Variants in DRC1 observed in about 807,000 individuals in gnomAD.
The protein encoded by DRC1 is dynein regulatory complex protein 1.
Under a neutral mutation model 98.7 loss-of-function variants are expected in DRC1, and 74 were observed. That is an observed-to-expected ratio of 0.75 (90% CI 0.62 to 0.91). The LOEUF (loss-of-function observed/expected upper bound fraction) is 0.91, where lower values mean the gene tolerates loss of function less well. Among genes scored for constraint, DRC1 ranks in the 40% least tolerant of loss-of-function variants. The pLI is 0.00. For missense variants in DRC1, 875 were observed against 886.0 expected, an observed-to-expected ratio of 0.99 and a Z score of 0.16; for synonymous variants, 336 against 334.1, an observed-to-expected ratio of 1.01 and a Z score of -0.06.
intron 4 of DRC1, among the ~76,000 whole-genome samples, chr2:26,428,827 A>G (rs2147990150): frequency 6.6e-6 from 1 of 152,222 alleles, no homozygotes; most frequent in East Asian, 1.9e-4. Flanking sequence ...TTATAATCCT[A>G]TGGGACCACT....
intron 4 of DRC1, among the ~76,000 whole-genome samples, chr2:26,426,172 C>A (rs943584706): frequency 6.6e-6 from 1 of 152,140 alleles, no homozygotes; most frequent in African/African-American, 2.4e-5. Flanking sequence ...ACTGTATAGT[C>A]TTGTCAAAAG....
chr2:26,415,127 A>G (rs1310444383), intron 2 of DRC1, among the ~76,000 whole-genome samples: 3 of 152,214 alleles, frequency 2.0e-5, no homozygotes, highest in Non-Finnish European at 4.4e-5. Context: ...GCCGTGGGGT[A>G]GTGCGTAGCT....
At chr2:26,427,622 A>C (rs1157415520) in intron 4 of DRC1, among the ~76,000 whole-genome samples, 3 of 152,106 alleles carry the variant, frequency 2.0e-5, no homozygotes, top group Non-Finnish European at 4.4e-5. Context: ...CAATAAATCT[A>C]GCTGACCTTA....
At chr2:26,405,653 CTTTTTTTTT>C (rs10601492) in intron 1 of DRC1, among the ~76,000 whole-genome samples, 1 of 53,564 alleles carries the variant, frequency 1.9e-5, no homozygotes, top group Non-Finnish European at 3.3e-5. Context: ...AAGGCTATAT[CTTTTTTTTT>C]TTTTTTTTTT....
intron 7 of DRC1, among the ~76,000 whole-genome samples, chr2:26,436,393 C>T (rs770354298): frequency 1.5e-4 from 23 of 152,292 alleles, no homozygotes; most frequent in Non-Finnish European, 1.6e-4. Context: ...ACTGCAGCCT[C>T]GACTTCCCAG....
intron 1 of DRC1, among the ~76,000 whole-genome samples, chr2:26,413,074 G>A (rs375347887): frequency 1.1e-4 from 17 of 152,284 alleles, no homozygotes; most frequent in African/African-American, 4.1e-4. Context: ...GAGCCATCGC[G>A]CCCAGCCAAG....
At chr2:26,428,563 C>T (rs1663343809) in intron 4 of DRC1, among the ~76,000 whole-genome samples, 1 of 152,150 alleles carries the variant, frequency 6.6e-6, no homozygotes, top group African/African-American at 2.4e-5. Flanking sequence ...CTTTGGGAGG[C>T]CGAGGCAGGT....
rs115330889 is a variant in DRC1, at chr2:26,444,509, G to T, written c.1163+153G>T. The stretch of plus-strand genomic sequence containing the variant: ...TAACCTTTTGTGGTGTGTTCCCCTG[G>T]CCCTTCACTTGCGTGTCACCTGCCT... On this transcript the variant is annotated intron_variant, in intron 9 of 16. Transcript: ENST00000288710. 2.0e-3 allele frequency among the ~76,000 whole-genome samples: 311 copies of T among 152,298 alleles called. 5 individuals are homozygous for T. Among genetic ancestry groups the T allele is most frequent in the African/African-American group, 7.2e-3 (301 of 41,564 alleles).
chr2:26,418,318 G>A (rs951646116), intron 2 of DRC1, among the ~76,000 whole-genome samples: 5 of 151,278 alleles, frequency 3.3e-5, no homozygotes, highest in Non-Finnish European at 5.9e-5. Flanking sequence ...GAGCTTGGAT[G>A]TGCAGTTGGG....
intron 10 of DRC1, among the ~76,000 whole-genome samples, chr2:26,446,541 C>T (rs987816249): frequency 6.6e-6 from 1 of 152,098 alleles, no homozygotes; most frequent in African/African-American, 2.4e-5. Flanking sequence ...AATACCTCCT[C>T]ATCAACAGGA....
intron 7 of DRC1, 144 bp from the exon 8 acceptor site, chr2:26,440,234 A>G: frequency 9.3e-7 from 1 of 1,079,214 alleles, no homozygotes; most frequent in Non-Finnish European, 1.2e-6. Context: ...GTAAATATTT[A>G]CCTATATAAA....
At chr2:26,439,948 TACACACACAC>T (rs201091945) in intron 7 of DRC1, among the ~76,000 whole-genome samples, 613 of 124,552 alleles carry the variant, frequency 4.9e-3, no homozygotes, top group Non-Finnish European at 7.2e-3. Context: ...CACACACACA[TACACACACAC>T]ACACATATAT....
intron 7 of DRC1, among the ~76,000 whole-genome samples, chr2:26,437,115 T>G (rs1054963090): frequency 1.3e-5 from 2 of 152,206 alleles, no homozygotes; most frequent in Non-Finnish European, 2.9e-5. Context: ...TTGGTAACAT[T>G]TGAAGTGGCA....
intron 4 of DRC1, 123 bp from the exon 5 acceptor site, chr2:26,429,505 C>T (rs1663376478): frequency 7.6e-7 from 1 of 1,312,324 alleles, no homozygotes; most frequent in Non-Finnish European, 1.0e-6. Flanking sequence ...TGTGCGCAGC[C>T]CTCTTTGTAC....
chr2:26,442,774 G>A (rs899774626), intron 8 of DRC1, among the ~76,000 whole-genome samples: 1 of 152,116 alleles, frequency 6.6e-6, no homozygotes, highest in African/African-American at 2.4e-5. Context: ...CAGTTCTCCA[G>A]CCTCACTCCC....
In DRC1 at chr2:26,430,880, G is replaced by A. The variant is rs1217431031; in HGVS notation, c.765+8G>A. On this transcript the variant is annotated splice_region_variant and intron_variant, in intron 6 of 16. Transcript: ENST00000288710. The stretch of plus-strand genomic sequence containing the variant: ...GCTCATAATGCCAAAGAGGTAAAGG[G>A]TGGAGCCTGTCAAGAGTGATCCGTG... The A allele has an allele frequency of 1.2e-6, 2 of 1,613,594 alleles. No individual in the cohort carries two copies. The highest frequency in any genetic ancestry group is 1.1e-5 in the South Asian group (1 of 91,056).
intron 1 of DRC1, among the ~76,000 whole-genome samples, chr2:26,413,440 G>A (rs1328017633): frequency 1.3e-5 from 2 of 152,178 alleles, no homozygotes; most frequent in African/African-American, 2.4e-5. Context: ...TTTTAGACAC[G>A]TTGTTATACT....
chr2:26,418,879 T>C (rs1053585174), intron 2 of DRC1, among the ~76,000 whole-genome samples: 6 of 141,214 alleles, frequency 4.2e-5, no homozygotes, highest in Non-Finnish European at 9.0e-5. Context: ...CATTATATAT[T>C]ATATATATTA....
At position 26,454,678 on chromosome 2, in the gene DRC1, A is replaced by G. The variant is rs1664093779; in HGVS notation, c.1951A>G (p.Asn651Asp). Residue 651 changes from asparagine (N) to aspartate (D), a missense_variant, in exon 15 of 17, where the codon AAT becomes GAT. Transcript: ENST00000288710. This position sits in a 1 kb window ranked among gnomAD's most constrained non-coding sequence, Gnocchi z 5.2. Reference sequence around the variant, plus strand: ...GCGGGCCCCGCTGAGGGTACAGAAGAATGTGCGTGACAACTCCAAGGACTC... The same window carrying G: ...GCGGGCCCCGCTGAGGGTACAGAAGGATGTGCGTGACAACTCCAAGGACTC... ...DSRAPLRVQKNVRDNSKDSEY... is the reference protein window; with the variant it reads ...DSRAPLRVQKDVRDNSKDSEY... 2.4e-5 allele frequency: 38 copies of G among 1,613,982 alleles called. No homozygotes were observed. The highest frequency in any genetic ancestry group is 3.1e-5 in the Non-Finnish European group (37 of 1,180,018).
Sources: allele counts gnomAD v4.1 joint callset (sites outside exome capture counted in the v4.1 genomes callset), GRCh38; gene constraint gnomAD v4.1.1; non-coding constraint Gnocchi (gnomAD v3.1); transcripts MANE v1.5; gene names NCBI Gene and HGNC (gene_info 2026-07-23, HGNC 2026-07-21).